Variants in ATP2B2 observed in about 807,000 individuals in gnomAD.
The protein encoded by ATP2B2 is ATPase plasma membrane Ca2+ transporting 2, also known as plasma membrane calcium-transporting ATPase 2.
ATP2B2 carries 15 observed loss-of-function variants against 120.0 expected under a neutral mutation model. The ratio of observed to expected loss-of-function variants is 0.12; its 90% confidence interval spans 0.08 to 0.19. The LOEUF (loss-of-function observed/expected upper bound fraction) is 0.19, where lower values mean the gene tolerates loss of function less well. ATP2B2 is among the 10% of genes least tolerant of loss of function. ATP2B2 has a pLI of 1.00. For missense variants in ATP2B2, 1,045 were observed against 1,719.8 expected, an observed-to-expected ratio of 0.61 and a Z score of 6.94; for synonymous variants, 694 against 700.3, an observed-to-expected ratio of 0.99 and a Z score of 0.14.
At position 10,328,747 on chromosome 3, in the gene ATP2B2, T is replaced by TG; in HGVS notation, c.*66dup. On this transcript the variant is annotated 3_prime_UTR_variant, in exon 23 of 23. Transcript: ENST00000360273. ...TGGGTGAGTTGGGTGCCTGGATGGA[T>TG]GGGTGCCCGGAAAGCGGGTGGCAGC... is the stretch of plus-strand genomic sequence containing the variant. 1.3e-6 allele frequency: 2 copies of TG among 1,505,376 alleles called. No individual in the cohort carries two copies. Among genetic ancestry groups the TG allele is most frequent in the Non-Finnish European group, 9.0e-7 (1 of 1,111,168 alleles). 93.3% of individuals were successfully genotyped at this position (1,505,376 alleles called of 1,614,324 possible). A position where few individuals can be genotyped will look rare whatever the true frequency, so the allele number is the denominator to read the frequency against.
Position 10,656,799 on chromosome 3 carries a change from A to G in ATP2B2, c.-459-36838T>C, listed in dbSNP as rs553033674. Among the ~76,000 whole-genome samples the G allele has an allele frequency of 3.9e-5, 6 of 152,364 alleles. No individual in the cohort carries two copies. The South Asian group carries it at 1.2e-3, about 32-fold the overall frequency. Reference sequence around the variant, plus strand: ...TGTGACTTCTCTAAGACATGGCATAAACTGAGACCTCAAGGACAAGAAGAA... The same window carrying G: ...TGTGACTTCTCTAAGACATGGCATAGACTGAGACCTCAAGGACAAGAAGAA... On this transcript the variant is annotated intron_variant, in intron 1 of 21. Coordinates refer to the ATP2B2 transcript ENST00000646379.
At chr3:10,423,950 C>T (rs1334525914) in intron 2 of ATP2B2, among the ~76,000 whole-genome samples, 2 of 152,220 alleles carry the variant, frequency 1.3e-5, no homozygotes, top group Admixed American at 1.3e-4. Flanking sequence ...TATCCCTCTC[C>T]CAATCCCTTT....
intron 1 of ATP2B2, among the ~76,000 whole-genome samples, chr3:10,472,308 C>A (rs907923230): frequency 6.6e-6 from 1 of 152,180 alleles, no homozygotes; most frequent in East Asian, 1.9e-4. Context: ...TTCAGAAGCC[C>A]AAATGCAAAG....
intron 3 of ATP2B2, among the ~76,000 whole-genome samples, chr3:10,511,717 A>G (rs916205753): frequency 6.6e-6 from 1 of 152,206 alleles, no homozygotes; most frequent in African/African-American, 2.4e-5. Context: ...TTGAACACCC[A>G]GGAAGGAGAG....
At chr3:10,678,292 C>A (rs1452939366) in intron 1 of ATP2B2, among the ~76,000 whole-genome samples, 2 of 152,188 alleles carry the variant, frequency 1.3e-5, no homozygotes, top group Admixed American at 1.3e-4. Flanking sequence ...AAACATCGTG[C>A]CTTCATCGAA....
chr3:10,396,751 A>G (rs938204941), intron 5 of ATP2B2, among the ~76,000 whole-genome samples: 1 of 152,174 alleles, frequency 6.6e-6, no homozygotes, highest in Non-Finnish European at 1.5e-5. Context: ...GAGAGGTGGG[A>G]AAGGGGAGAC....
chr3:10,444,856 G>A (rs947343643), intron 2 of ATP2B2, among the ~76,000 whole-genome samples: 1 of 152,212 alleles, frequency 6.6e-6, no homozygotes, highest in Non-Finnish European at 1.5e-5. Context: ...CATGAAAGGA[G>A]GGGCACTGGG....
intron 2 of ATP2B2, among the ~76,000 whole-genome samples, chr3:10,606,746 A>G (rs2069078248): frequency 6.6e-6 from 1 of 152,034 alleles, no homozygotes; most frequent in African/African-American, 2.4e-5. Flanking sequence ...TGTGTTTTAC[A>G]CACCTGCTTA....
chr3:10,417,128 G>T (rs2062818160), intron 2 of ATP2B2, among the ~76,000 whole-genome samples: 1 of 149,054 alleles, frequency 6.7e-6, no homozygotes, highest in Non-Finnish European at 1.5e-5. Context: ...CGGGCAGAGG[G>T]ACCCCTCACT....
At chr3:10,480,232 C>T (rs1238610649) in intron 1 of ATP2B2, among the ~76,000 whole-genome samples, 1 of 152,142 alleles carries the variant, frequency 6.6e-6, no homozygotes, top group Non-Finnish European at 1.5e-5. Flanking sequence ...CCAGGCAGGC[C>T]CTCTCTCAGA....
intron 2 of ATP2B2, among the ~76,000 whole-genome samples, chr3:10,614,038 CA>C (rs1370649734): frequency 6.6e-6 from 1 of 152,092 alleles, no homozygotes; most frequent in Non-Finnish European, 1.5e-5. Context: ...TCACCTCCTC[CA>C]AGAAGCCTTC....
intron 2 of ATP2B2, among the ~76,000 whole-genome samples, chr3:10,581,819 G>A (rs1462694575): frequency 6.6e-5 from 10 of 152,198 alleles, no homozygotes; most frequent in Non-Finnish European, 5.9e-5. Flanking sequence ...GAGCATCATG[G>A]GCTTGTGTGA....
intron 3 of ATP2B2, 111 bp downstream of exon 3, chr3:10,410,507 G>A (rs765313424): frequency 4.2e-5 from 58 of 1,368,560 alleles, no homozygotes; most frequent in African/African-American, 1.5e-4. Context: ...CTTGGACCTC[G>A]GTTTCTTCCC....
intron 1 of ATP2B2, among the ~76,000 whole-genome samples, chr3:10,636,139 G>C (rs1393813906): frequency 6.6e-6 from 1 of 152,208 alleles, no homozygotes; most frequent in African/African-American, 2.4e-5. Flanking sequence ...CCAATGTAAA[G>C]GCCAGTCTCT....
chr3:10,386,513 CTG>C lies in ATP2B2; in HGVS notation c.908-3_908-2del. 6.2e-7 allele frequency: 1 copy of C among 1,614,168 alleles called. No individual in the cohort carries two copies. The highest frequency in any genetic ancestry group is 1.7e-5 in the Admixed American group (1 of 60,036). On this transcript the variant is annotated splice_acceptor_variant and splice_polypyrimidine_tract_variant and intron_variant, in intron 6 of 22. Transcript: ENST00000360273. LOFTEE classifies it high-confidence loss of function. ...TGAAGGCCATCCCCCTTCTTCACAC[CTG>C]TGTGATGATTTTTGAGACATGTTAA...
chr3:10,476,520 T>C (rs1398705469), intron 1 of ATP2B2, among the ~76,000 whole-genome samples: 1 of 152,236 alleles, frequency 6.6e-6, no homozygotes, highest in African/African-American at 2.4e-5. Context: ...GGCCCCATGC[T>C]TGGAGACCCC....
intron 1 of ATP2B2, among the ~76,000 whole-genome samples, chr3:10,707,574 G>A (rs564493431): frequency 1.3e-5 from 2 of 152,282 alleles, no homozygotes; most frequent in African/African-American, 4.8e-5. Flanking sequence ...CTAGCGTCCC[G>A]GACGCCCCCC....
chr3:10,383,808 G>A (rs928907165), intron 8 of ATP2B2, among the ~76,000 whole-genome samples: 8 of 152,182 alleles, frequency 5.3e-5, no homozygotes, highest in African/African-American at 1.7e-4. Flanking sequence ...GTTTCTCTTG[G>A]GATATTTGGG....
intron 14 of ATP2B2, among the ~76,000 whole-genome samples, chr3:10,357,263 GT>G (rs1371025350): frequency 7.9e-5 from 12 of 152,218 alleles, no homozygotes; most frequent in African/African-American, 2.4e-4. Context: ...CAGAGGGGGT[GT>G]GTGTGATACT....
Sources: allele counts gnomAD v4.1 joint callset (sites outside exome capture counted in the v4.1 genomes callset), GRCh38; gene constraint gnomAD v4.1.1; transcripts MANE v1.5; gene names NCBI Gene and HGNC (gene_info 2026-07-23, HGNC 2026-07-21).